SCARB1: variants seen among roughly 807,000 people sequenced by gnomAD.
The protein encoded by SCARB1 is scavenger receptor class B member 1, also known as CD36 and LIMPII analogous 1.
Under a neutral mutation model 57.2 loss-of-function variants are expected in SCARB1, and 30 were observed. That is an observed-to-expected ratio of 0.52 (90% confidence interval 0.39 to 0.71). The LOEUF is 0.71. SCARB1 is among the 30% of genes least tolerant of loss of function. The probability of loss-of-function intolerance (pLI) is 0.00; values close to 1 mark genes in which losing one functional copy is unlikely to be tolerated. For missense variants in SCARB1, 543 were observed against 671.2 expected, an observed-to-expected ratio of 0.81 and a Z score of 2.11; for synonymous variants, 249 against 268.3, an observed-to-expected ratio of 0.93 and a Z score of 0.70.
rs958096832 is a variant in SCARB1 at position 124,817,211 on chromosome 12, C to A, written c.284+339G>T. On this transcript the variant is annotated intron_variant, in intron 2 of 12. Transcript: ENST00000261693. The surrounding 1 kb of genome is among the most constrained non-coding windows in gnomAD (Gnocchi z 4.8). ...CCACCCAGACGCACACCATTGGTCC[C>A]TCCCTGCTCCATAAAGAACCTCTCT... 6.6e-6 allele frequency among the ~76,000 whole-genome samples: 1 copy of A among 151,818 alleles called. No individual in the cohort carries two copies. The highest frequency in any genetic ancestry group is 2.4e-5 in the African/African-American group (1 of 41,320).
At chr12:124,854,291 A>G (rs1408265358) in intron 1 of SCARB1, among the ~76,000 whole-genome samples, 1 of 152,222 alleles carries the variant, frequency 6.6e-6, no homozygotes, top group Non-Finnish European at 1.5e-5. Context: ...GATTGGGCCC[A>G]TGGGGCTGAG....
intron 1 of SCARB1, among the ~76,000 whole-genome samples, chr12:124,827,443 C>G (rs1951206981): frequency 6.6e-6 from 1 of 152,092 alleles, no homozygotes; most frequent in South Asian, 2.1e-4. Flanking sequence ...ATTTTAACCA[C>G]CAGGGCCAGG....
intron 1 of SCARB1, among the ~76,000 whole-genome samples, chr12:124,855,962 A>G (rs1594404222): frequency 1.3e-5 from 2 of 152,340 alleles, no homozygotes; most frequent in South Asian, 4.1e-4. Flanking sequence ...ACTCACTTCC[A>G]TCCCATTTGC....
Position 124,789,265 on chromosome 12 carries a change from C to T in SCARB1, c.1203-1808G>A, listed in dbSNP as rs1234538265. On this transcript the variant is annotated intron_variant, in intron 9 of 12. Coordinates refer to ENST00000261693, the MANE Select transcript of SCARB1 (RefSeq NM_005505.5). This position sits in a 1 kb window ranked among gnomAD's most constrained non-coding sequence, Gnocchi z 4.4. The stretch of plus-strand genomic sequence containing the variant: ...GTCCTCCTCCCAAAACCCATCACCC[C>T]AGTCTAATCATGAGAAAAGCACCAG... 6.6e-6 allele frequency among the ~76,000 whole-genome samples: 1 copy of T among 152,116 alleles called. No individual in the cohort carries two copies. The highest frequency in any genetic ancestry group is 1.5e-5 in the Non-Finnish European group (1 of 68,022).
At chr12:124,804,403 A>G (rs1950253794) in intron 7 of SCARB1, among the ~76,000 whole-genome samples, 1 of 152,190 alleles carries the variant, frequency 6.6e-6, no homozygotes, top group Non-Finnish European at 1.5e-5. Flanking sequence ...TCCAGACAAC[A>G]TCTAAGTTCT....
Position 124,824,244 on chromosome 12 carries a change from A to G in SCARB1, c.127-6537T>C, listed in dbSNP as rs941458781. Among the ~76,000 whole-genome samples, 8 of 152,128 alleles carry G rather than the reference A, an allele frequency of 5.3e-5. No individual in the cohort carries two copies. The East Asian group carries it at 9.6e-4, about 18-fold the overall frequency. ...ATGCAACACTGACACATGCCACCAC[A>G]TGGACAAACCTCAAAAACCTGACAT... On this transcript the variant is annotated intron_variant, in intron 1 of 12. Coordinates refer to ENST00000261693, the MANE Select transcript of SCARB1 (RefSeq NM_005505.5).
intron 1 of SCARB1, among the ~76,000 whole-genome samples, chr12:124,847,324 C>A (rs1003497860): frequency 6.6e-6 from 1 of 152,248 alleles, no homozygotes; most frequent in Non-Finnish European, 1.5e-5. Flanking sequence ...CTGCAATGGG[C>A]TCTCGGCCAA....
intron 1 of SCARB1, among the ~76,000 whole-genome samples, chr12:124,818,175 A>G (rs758885650): frequency 2.6e-5 from 4 of 152,200 alleles, no homozygotes; most frequent in Non-Finnish European, 4.4e-5. Context: ...ACCAGGACAG[A>G]CCAAAAGCCC....
At chr12:124,816,061 C>T (rs548649612) in intron 2 of SCARB1, among the ~76,000 whole-genome samples, 2 of 152,274 alleles carry the variant, frequency 1.3e-5, no homozygotes, top group South Asian at 4.1e-4. Context: ...ACATGCTCTG[C>T]CCGGGACTCT....
At position 124,846,729 on chromosome 12, in the gene SCARB1, CAAAAAAAAAA is replaced by C. The variant is rs5801572; in HGVS notation, c.126+16856_126+16865del. On this transcript the variant is annotated intron_variant, in intron 1 of 12. Coordinates refer to ENST00000261693, the MANE Select transcript of SCARB1 (RefSeq NM_005505.5). ...CTGGCCACACAGCAAGACTCCATCT[CAAAAAAAAAA>C]AAAAAAAAAAAAAAAAAAAGACAGA... Among the ~76,000 whole-genome samples, 272 of 46,046 alleles carry C rather than the reference CAAAAAAAAAA, an allele frequency of 5.9e-3. 2 individuals are homozygous for C. The highest frequency in any genetic ancestry group is 0.023 in the African/African-American group (249 of 10,672). The allele number at this position is 46,046 out of a possible 152,430, so 30.2% of individuals were successfully genotyped here.
At chr12:124,801,246 T>C (rs372123006) in intron 7 of SCARB1, among the ~76,000 whole-genome samples, 118 of 148,294 alleles carry the variant, frequency 8.0e-4, no homozygotes, top group African/African-American at 2.9e-3. Context: ...ATCCAGACAG[T>C]GCTAATCCAC....
At chr12:124,808,400 T>C (rs537031742) in intron 6 of SCARB1, among the ~76,000 whole-genome samples, 31 of 152,344 alleles carry the variant, frequency 2.0e-4, no homozygotes, top group Admixed American at 1.8e-3. Context: ...TTAGGATTCA[T>C]TGACCTTATC....
chr12:124,790,212 C>CA (rs368266029), intron 9 of SCARB1, among the ~76,000 whole-genome samples: 93 of 150,764 alleles, frequency 6.2e-4, no homozygotes, highest in African/African-American at 1.6e-3. Flanking sequence ...CCTGTCTCTA[C>CA]AAAAAAAACA....
intron 1 of SCARB1, among the ~76,000 whole-genome samples, chr12:124,847,983 C>A (rs549014072): frequency 5.7e-4 from 87 of 152,302 alleles, no homozygotes; most frequent in African/African-American, 2.0e-3. Flanking sequence ...TGCCAGTGTC[C>A]TGAAAGACCC....
chr12:124,856,280 T>C (rs553918686), intron 1 of SCARB1, among the ~76,000 whole-genome samples: 1 of 152,344 alleles, frequency 6.6e-6, no homozygotes, highest in African/African-American at 2.4e-5. Context: ...TAGGCACACA[T>C]CAACACAGGT....
chr12:124,787,553 A>T (rs1383069160), intron 9 of SCARB1, 96 bp from the exon 10 acceptor site: 1 of 1,086,476 alleles, frequency 9.2e-7, no homozygotes, highest in African/African-American at 1.5e-5. Flanking sequence ...GGTTTAGTAT[A>T]ATTTTGCACA....
intron 1 of SCARB1, chr12:124,821,450 G>A (rs1371917560): frequency 1.0e-6 from 1 of 985,008 alleles, no homozygotes; most frequent in Non-Finnish European, 1.2e-6. Context: ...AAGAAGTCAT[G>A]GGATCCGGCC....
At position 124,812,031 on chromosome 12, in the gene SCARB1, C is replaced by T; in HGVS notation, c.631-66G>A. On this transcript the variant is annotated intron_variant, in intron 4 of 12. Coordinates refer to ENST00000261693, the MANE Select transcript of SCARB1 (RefSeq NM_005505.5). This position sits in a 1 kb window ranked among gnomAD's most constrained non-coding sequence, Gnocchi z 4.3. ...TGCCATTGAGCCGGCCTGGTCTGAA[C>T]ATTCTGGGCTGAGCCCTCCTCCCCC... The T allele has an allele frequency of 1.6e-6, 2 of 1,268,228 alleles. No homozygotes were observed. The highest frequency in any genetic ancestry group is 2.5e-5 in the South Asian group (2 of 78,896). 78.6% of individuals were successfully genotyped at this position (1,268,228 alleles called of 1,614,324 possible). A position where few individuals can be genotyped will look rare whatever the true frequency, so the allele number is the denominator to read the frequency against.
chr12:124,835,032 G>A (rs1347740217), intron 1 of SCARB1, among the ~76,000 whole-genome samples: 1 of 152,212 alleles, frequency 6.6e-6, no homozygotes, highest in Non-Finnish European at 1.5e-5. Context: ...GCTGGGGCCT[G>A]GTGATCCGTG....
Sources: gnomAD v4.1 joint callset for allele counts (sites outside exome capture counted in the v4.1 genomes callset) on GRCh38, gnomAD v4.1.1 for gene constraint, Gnocchi (gnomAD v3.1) non-coding constraint, MANE v1.5 for transcripts, NCBI Gene and HGNC (gene_info 2026-07-23, HGNC 2026-07-21) for gene names.